Variants in HOOK3 observed in about 807,000 individuals in gnomAD.
The protein encoded by HOOK3 is hook microtubule tethering protein 3.
In HOOK3, 24 loss-of-function variants were observed where a neutral mutation model predicts 116.3. The ratio of observed to expected loss-of-function variants is 0.21; its 90% CI spans 0.15 to 0.29. The LOEUF is 0.29. HOOK3 is among the 10% of genes least tolerant of loss of function. HOOK3 has a pLI of 1.00. For missense variants in HOOK3, 632 were observed against 830.2 expected, an observed-to-expected ratio of 0.76 and a Z score of 2.93; for synonymous variants, 275 against 283.0, an observed-to-expected ratio of 0.97 and a Z score of 0.28.
intron 3 of HOOK3, among the ~76,000 whole-genome samples, chr8:42,927,672 T>C (rs1017368205): frequency 4.6e-5 from 7 of 152,196 alleles, no homozygotes; most frequent in Non-Finnish European, 1.0e-4. Flanking sequence ...TGGCACAGTC[T>C]CAGCTCACTG....
chr8:42,897,745 G>T (rs758907235), intron 1 of HOOK3, among the ~76,000 whole-genome samples: 7 of 152,270 alleles, frequency 4.6e-5, no homozygotes, highest in Non-Finnish European at 1.0e-4. Flanking sequence ...GAACTCGAAG[G>T]CCTTGGGGGA....
At position 42,957,122 on chromosome 8, in the gene HOOK3, C is replaced by A; in HGVS notation, c.497C>A (p.Ala166Asp). ...ATGAGTAAAGAATCTCCTGTCTCTG[C>A]TGGAAATGATGCCTATGTTGACCTT... Reference protein sequence around the residue: ...ELMSKESPVSAGNDAYVDLDR... With the variant: ...ELMSKESPVSDGNDAYVDLDR... The change falls in exon 7 of 22, where the codon GCT becomes GAT. Residue 166 changes from alanine to aspartate, a missense_variant. By Grantham distance (126) the Ala-to-Asp change is moderately radical (BLOSUM62 -2). Coordinates refer to ENST00000307602, the MANE Select transcript of HOOK3 (RefSeq NM_032410.4). 8 of 1,596,328 alleles carry A rather than the reference C, an allele frequency of 5.0e-6. No individual in the cohort carries two copies. The highest frequency in any genetic ancestry group is 1.3e-5 in the African/African-American group (1 of 74,702).
chr8:42,975,532 A>C (rs1309222793), intron 13 of HOOK3, among the ~76,000 whole-genome samples: 1 of 152,224 alleles, frequency 6.6e-6, no homozygotes, highest in Non-Finnish European at 1.5e-5. Flanking sequence ...AGATTTACCC[A>C]GAAAGGCTTC....
At chr8:42,914,940 C>A (rs764155756) in intron 2 of HOOK3, among the ~76,000 whole-genome samples, 1 of 152,124 alleles carries the variant, frequency 6.6e-6, no homozygotes, top group African/African-American at 2.4e-5. Flanking sequence ...AACATGGGAA[C>A]CTGAAACCCC....
intron 1 of HOOK3, among the ~76,000 whole-genome samples, chr8:42,902,593 C>A (rs899341864): frequency 6.6e-6 from 1 of 152,042 alleles, no homozygotes; most frequent in African/African-American, 2.4e-5. Context: ...TTTCAAACCC[C>A]CCCAGATGAT....
chr8:42,938,092 A>G, intron 4 of HOOK3, among the ~76,000 whole-genome samples: 1 of 152,004 alleles, frequency 6.6e-6, no homozygotes, highest in Non-Finnish European at 1.5e-5. Flanking sequence ...GTGCATATAT[A>G]TTTAGGATAG....
chr8:42,941,193 C>T (rs577098258), intron 4 of HOOK3, among the ~76,000 whole-genome samples: 95 of 150,756 alleles, frequency 6.3e-4, no homozygotes, highest in African/African-American at 2.2e-3. Context: ...GTGATCCGCC[C>T]GCCTTGGCCT....
intron 8 of HOOK3, 87 bp from the exon 9 acceptor site, chr8:42,964,224 T>C (rs1808589595): frequency 2.2e-6 from 3 of 1,353,572 alleles, no homozygotes; most frequent in Non-Finnish European, 3.1e-6. Flanking sequence ...ATATATAGGC[T>C]TTAATTTGTA....
chr8:42,984,989 A>AAG, intron 14 of HOOK3, among the ~76,000 whole-genome samples: 1 of 152,130 alleles, frequency 6.6e-6, no homozygotes, highest in African/African-American at 2.4e-5. Context: ...CTGTGTCCAG[A>AAG]AGAGAGCTAT....
chr8:42,918,324 C>T (rs928385908), intron 2 of HOOK3, among the ~76,000 whole-genome samples: 10 of 151,700 alleles, frequency 6.6e-5, no homozygotes, highest in African/African-American at 1.2e-4. Flanking sequence ...GGCAACAAAG[C>T]GAGACATTCT....
At chr8:42,932,762 A>G (rs1398906285) in intron 4 of HOOK3, among the ~76,000 whole-genome samples, 1 of 152,200 alleles carries the variant, frequency 6.6e-6, no homozygotes, top group Non-Finnish European at 1.5e-5. Flanking sequence ...ATTAGGAGAA[A>G]GAGTTGGAGC....
In HOOK3 at chr8:43,019,029, G is replaced by A. The variant is rs1181053647; in HGVS notation, c.*531G>A. ...CTTTTTGCAAAGACTTGAATACATT[G>A]GCAGAGGTGCTAATCACATCTTCCC... On this transcript the variant is annotated 3_prime_UTR_variant, in exon 22 of 22. Transcript: ENST00000307602. The A allele has an allele frequency of 4.8e-6, 1 of 208,310 alleles. No individual in the cohort carries two copies. The highest frequency in any genetic ancestry group is 7.4e-5 in the East Asian group (1 of 13,466). The allele number at this position is 208,310 out of a possible 1,614,324, so 12.9% of individuals were successfully genotyped here.
chr8:42,940,496 GGGGACAGGGACAGGGACA>G (rs139960012), intron 4 of HOOK3, among the ~76,000 whole-genome samples: 1 of 151,924 alleles, frequency 6.6e-6, no homozygotes, highest in Non-Finnish European at 1.5e-5. Context: ...GGGAGACCGT[GGGGACAGGGACAGGGACA>G]GGGACAGGGA....
At chr8:42,934,589 G>A (rs924604351) in intron 4 of HOOK3, among the ~76,000 whole-genome samples, 11 of 151,586 alleles carry the variant, frequency 7.3e-5, no homozygotes, top group Non-Finnish European at 1.3e-4. Context: ...TTCCCTCCGT[G>A]TGTCCATGTG....
At chr8:42,925,671 T>A in intron 3 of HOOK3, 42 bp downstream of exon 3, 1 of 1,319,350 alleles carries the variant, frequency 7.6e-7, no homozygotes, top group East Asian at 2.3e-5. Flanking sequence ...AATATTTGTA[T>A]GTGTATAATA....
chr8:42,903,636 C>G (rs1332379688), intron 1 of HOOK3, among the ~76,000 whole-genome samples: 1 of 150,834 alleles, frequency 6.6e-6, no homozygotes, highest in African/African-American at 2.4e-5. Context: ...AGCCACCGTG[C>G]CCGGCCAATA....
chr8:42,972,239 G>A (rs756824868), intron 11 of HOOK3, among the ~76,000 whole-genome samples: 35 of 152,066 alleles, frequency 2.3e-4, no homozygotes, highest in African/African-American at 5.1e-4. Context: ...TTTTGTTTCT[G>A]TGGTCAATAT....
intron 18 of HOOK3, among the ~76,000 whole-genome samples, chr8:43,008,571 A>G (rs1403531124): frequency 6.6e-6 from 1 of 152,002 alleles, no homozygotes; most frequent in Non-Finnish European, 1.5e-5. Context: ...TGCCCACCTC[A>G]GTCTCCCAAA....
rs1207348442 is a variant in HOOK3 at position 43,027,621 on chromosome 8, A to C, written c.*9123A>C. 2 of 233,680 alleles carry C rather than the reference A, an allele frequency of 8.6e-6. No individual in the cohort carries two copies. Among genetic ancestry groups the C allele is most frequent in the Non-Finnish European group, 1.7e-5 (2 of 115,208 alleles). The allele number at this position is 233,680 out of a possible 1,614,324, so 14.5% of individuals were successfully genotyped here. On this transcript the variant is annotated 3_prime_UTR_variant, in exon 22 of 22. Transcript: ENST00000307602. ...GAAAATTAAAAGTGAAACATAACAC[A>C]TAAGGACGAAATACAATGTTCTGAA...
Sources: allele counts gnomAD v4.1 joint callset (sites outside exome capture counted in the v4.1 genomes callset), GRCh38; gene constraint gnomAD v4.1.1; transcripts MANE v1.5; gene names NCBI Gene and HGNC (gene_info 2026-07-23, HGNC 2026-07-21).